The following CFTR variants were observed in gnomAD, a reference collection of about 807,000 sequenced individuals.
CFTR encodes the protein cystic fibrosis transmembrane conductance regulator.
CFTR carries 181 observed loss-of-function variants against 171.6 expected under a neutral mutation model. The observed-to-expected ratio is 1.05, with a 90% confidence interval of 0.93 to 1.19. The LOEUF (loss-of-function observed/expected upper bound fraction) is 1.19, where lower values mean the gene tolerates loss of function less well. Among genes scored for constraint, CFTR ranks in the 50% most tolerant of loss-of-function variants. CFTR has a pLI of 0.00. For missense variants in CFTR, 1,968 were observed against 1,734.7 expected, an observed-to-expected ratio of 1.13 and a Z score of -2.39; for synonymous variants, 583 against 608.0, an observed-to-expected ratio of 0.96 and a Z score of 0.60.
At chr7:117,603,348 AT>A (rs1249219788) in intron 16 of CFTR, among the ~76,000 whole-genome samples, 183 bp from the exon 17 acceptor site, 2 of 152,222 alleles carry the variant, frequency 1.3e-5, no homozygotes, top group Non-Finnish European at 2.9e-5. Context: ...CTCAATCTCT[AT>A]CAATAGTGAG....
chr7:117,504,442 A>T lies in CFTR; in HGVS notation c.164+79A>T, dbSNP rs149395096. 7.5e-6 allele frequency: 6 copies of T among 802,766 alleles called. No homozygotes were observed. The Admixed American group carries it at 8.1e-5, about 11-fold the overall frequency. 49.7% of individuals were successfully genotyped at this position (802,766 alleles called of 1,614,324 possible). ...TTAGAGAAGAGAAAGCAAACATATT[A>T]TAAGTTTAATTCTTATATTTAAAAA... On this transcript the variant is annotated intron_variant, in intron 2 of 26. Coordinates refer to ENST00000003084, the MANE Select transcript of CFTR (RefSeq NM_000492.4).
At chr7:117,619,621 A>C (rs1267415934) in intron 21 of CFTR, among the ~76,000 whole-genome samples, 3 of 148,978 alleles carry the variant, frequency 2.0e-5, no homozygotes, top group Admixed American at 1.3e-4. Flanking sequence ...AATTCTGAGC[A>C]TGTGAATATT....
intron 9 of CFTR, among the ~76,000 whole-genome samples, chr7:117,545,351 C>A (rs1486432599): frequency 6.6e-6 from 1 of 152,160 alleles, no homozygotes; most frequent in Non-Finnish European, 1.5e-5. Context: ...ATAGCCAAAC[C>A]ATATCAGCCT....
At chr7:117,619,699 C>G (rs748158995) in intron 21 of CFTR, among the ~76,000 whole-genome samples, 1 of 152,016 alleles carries the variant, frequency 6.6e-6, no homozygotes, top group African/African-American at 2.4e-5. Flanking sequence ...AGCTGTCTAC[C>G]CTGTTCAACT....
intron 22 of CFTR, among the ~76,000 whole-genome samples, chr7:117,629,931 T>G (rs1792715872): frequency 6.6e-6 from 1 of 152,190 alleles, no homozygotes; most frequent in Non-Finnish European, 1.5e-5. Flanking sequence ...GAGGTTCAAT[T>G]AAGTGAGTAA....
intron 15 of CFTR, among the ~76,000 whole-genome samples, chr7:117,597,185 A>C (rs1221829117): frequency 6.6e-6 from 1 of 152,166 alleles, no homozygotes; most frequent in South Asian, 2.1e-4. Context: ...GAGCTGTGAC[A>C]CTCACTGGGA....
chr7:117,619,211 C>A (rs1479234012), intron 21 of CFTR, among the ~76,000 whole-genome samples: 3 of 152,204 alleles, frequency 2.0e-5, no homozygotes, highest in African/African-American at 7.2e-5. Context: ...AAGATGCCTT[C>A]CATTTTTAGT....
At chr7:117,559,322 T>C in intron 10 of CFTR, 142 bp from the exon 11 acceptor site, 1 of 682,904 alleles carries the variant, frequency 1.5e-6, no homozygotes, top group South Asian at 1.6e-5. Flanking sequence ...AAACAGGAAG[T>C]ATTTTAAATA....
chr7:117,603,662 G>T lies in CFTR; in HGVS notation c.2788G>T (p.Gly930Ter). The T allele has an allele frequency of 6.2e-7, 1 of 1,614,030 alleles. No individual in the cohort carries two copies. ...VGVADTLLAM[G>*]FFRGLPLVHT... Reference sequence around the variant, plus strand: ...AGTAGCCGACACTTTGCTTGCTATGGGATTCTTCAGAGGTCTACCACTGGT... The same window carrying T: ...AGTAGCCGACACTTTGCTTGCTATGTGATTCTTCAGAGGTCTACCACTGGT... The change falls in exon 17 of 27, where the codon GGA (glycine) becomes TGA (stop). Residue 930 changes from glycine (G) to a stop codon, truncating the protein, a stop_gained. Transcript: ENST00000003084. LOFTEE classifies it high-confidence loss of function.
At chr7:117,541,965 A>C in intron 8 of CFTR, 51 bp from the exon 9 acceptor site, 1 of 849,640 alleles carries the variant, frequency 1.2e-6, no homozygotes, top group Non-Finnish European at 2.0e-6. Flanking sequence ...GTAATAATGC[A>C]TTAATGCTAT....
rs397508646 is a variant in CFTR at position 117,652,903 on chromosome 7, A to G, written c.3935A>G (p.Asp1312Gly). ...TTGGATCCCTATGAACAGTGGAGTG[A>G]TCAAGAAATATGGAAAGTTGCAGAT... is the stretch of plus-strand genomic sequence containing the variant. Reference protein sequence around the residue: ...KNLDPYEQWSDQEIWKVADEV... With the variant: ...KNLDPYEQWSGQEIWKVADEV... The change falls in exon 24 of 27, where the codon GAT becomes GGT. Residue 1312 changes from aspartate (D) to glycine (G), a missense_variant. By Grantham distance (94) the Asp-to-Gly change is moderately conservative. Transcript: ENST00000003084. 1.1e-5 allele frequency: 17 copies of G among 1,606,068 alleles called. No homozygotes were observed. The Middle Eastern group carries it at 1.1e-3, about 108-fold the overall frequency.
chr7:117,617,723 C>T (rs1368409526), intron 21 of CFTR, among the ~76,000 whole-genome samples: 2 of 152,092 alleles, frequency 1.3e-5, no homozygotes, highest in Non-Finnish European at 2.9e-5. Context: ...AAGTAATATG[C>T]AATACCTCCC....
rs1461746015 is a variant in CFTR, at chr7:117,668,335, T to G, written c.*1227T>G. 1 of 152,216 alleles carries G rather than the reference T, an allele frequency of 6.6e-6. No homozygotes were observed. The highest frequency in any genetic ancestry group is 1.5e-5 in the Non-Finnish European group (1 of 68,044). The allele number at this position is 152,216 out of a possible 1,614,324, so 9.4% of individuals were successfully genotyped here. A position where few individuals can be genotyped will look rare whatever the true frequency, so the allele number is the denominator to read the frequency against. On this transcript the variant is annotated 3_prime_UTR_variant, in exon 27 of 27. Transcript: ENST00000003084. ...AAAATAATTTTTATATTTGAAATAT[T>G]GACTTTTTATGGCACTAGTATTTCT...
intron 1 of CFTR, among the ~76,000 whole-genome samples, chr7:117,485,096 C>T (rs1798053979): frequency 6.6e-6 from 1 of 152,130 alleles, no homozygotes; most frequent in Admixed American, 6.6e-5. Flanking sequence ...TAAATGTTAA[C>T]ACTTGTTTAA....
At chr7:117,547,303 G>T (rs1448645076) in intron 9 of CFTR, among the ~76,000 whole-genome samples, 1 of 151,990 alleles carries the variant, frequency 6.6e-6, no homozygotes, top group East Asian at 1.9e-4. Context: ...GTAGTTTCTT[G>T]TGTATTTTAA....
At position 117,577,498 on chromosome 7, in the gene CFTR, GAATTTTGCAGTCATGGGATAT is replaced by G. The variant is rs961723206; in HGVS notation, c.1585-10239_1585-10219del. ...AACTGAGGAAAAAAAGGGCTTTCCT[GAATTTTGCAGTCATGGGATAT>G]ATGATAAGCATTCTTGATTTATCAT... On this transcript the variant is annotated intron_variant, in intron 11 of 26. Transcript: ENST00000003084. Among the ~76,000 whole-genome samples the G allele has an allele frequency of 7.9e-5, 12 of 152,178 alleles. No homozygotes were observed. In the South Asian group the frequency reaches 2.3e-3, roughly 29 times the overall value.
intron 20 of CFTR, among the ~76,000 whole-genome samples, chr7:117,612,027 A>ATGTG (rs1389622663): frequency 1.5e-5 from 1 of 66,006 alleles, no homozygotes; most frequent in African/African-American, 7.9e-5. Context: ...ATATATGTAT[A>ATGTG]TATATATATA....
chr7:117,548,376 A>C (rs554479659), intron 9 of CFTR, among the ~76,000 whole-genome samples: 4 of 126,128 alleles, frequency 3.2e-5, no homozygotes, highest in Non-Finnish European at 6.9e-5. Context: ...ATGTGTATGT[A>C]TACATGTATG....
chr7:117,618,884 T>A (rs1196038459), intron 21 of CFTR, among the ~76,000 whole-genome samples: 1 of 152,106 alleles, frequency 6.6e-6, no homozygotes, highest in African/African-American at 2.4e-5. Context: ...AGAATCTAAT[T>A]TAATAATTCC....
Sources: gnomAD v4.1 joint callset for allele counts (sites outside exome capture counted in the v4.1 genomes callset) on GRCh38, gnomAD v4.1.1 for gene constraint, MANE v1.5 for transcripts, NCBI Gene and HGNC (gene_info 2026-07-23, HGNC 2026-07-21) for gene names.